The following TRNT1 variants were observed in gnomAD, a reference collection of about 807,000 sequenced individuals.
TRNT1 encodes the protein tRNA nucleotidyl transferase 1.
Under a neutral mutation model 45.6 loss-of-function variants are expected in TRNT1, and 44 were observed. The ratio of observed to expected loss-of-function variants is 0.97; its 90% CI spans 0.76 to 1.24. TRNT1 has a LOEUF of 1.24. Among genes scored for constraint, TRNT1 ranks in the 50% most tolerant of loss-of-function variants. The pLI is 0.00. For missense variants in TRNT1, 633 were observed against 504.4 expected (o/e 1.25, Z -2.44); for synonymous variants, 201 against 171.4 (o/e 1.17, Z -1.35).
chr3:3,143,043 C>A (rs1705754918), intron 4 of TRNT1, among the ~76,000 whole-genome samples: 1 of 152,188 alleles, frequency 6.6e-6, no homozygotes, highest in South Asian at 2.1e-4. Context: ...CATTCAAGTT[C>A]AAACACAGCC....
chr3:3,130,312 A>T, intron 2 of TRNT1: 1 of 222,390 alleles, frequency 4.5e-6, no homozygotes, highest in Admixed American at 5.1e-5. Context: ...TTTTAATAAA[A>T]GCTCCACAAG....
chr3:3,137,374 A>G lies in TRNT1; in HGVS notation c.263A>G (p.Gln88Arg). 1 of 1,613,980 alleles carries G rather than the reference A, an allele frequency of 6.2e-7. No homozygotes were observed. Among genetic ancestry groups the G allele is most frequent in the African/African-American group, 1.3e-5 (1 of 75,044 alleles). Residue 88 changes from glutamine (Q) to arginine (R), a missense_variant, in exon 3 of 8, where the codon CAA (glutamine) becomes CGA (arginine). Physicochemically the swap from Gln to Arg is conservative, Grantham distance 43 (BLOSUM62 1). Coordinates refer to ENST00000251607, the MANE Select transcript of TRNT1 (RefSeq NM_182916.3). The stretch of plus-strand genomic sequence containing the variant: ...TTTGCCACCACTGCTACCCCTACTC[A>G]AATGAAGGAGATGTTTCAGTCGGCT... ...IDFATTATPTQMKEMFQSAGI... is the reference protein window; with the variant it reads ...IDFATTATPTRMKEMFQSAGI...
intron 2 of TRNT1, chr3:3,131,416 G>C (rs1559215304): frequency 6.6e-6 from 1 of 152,168 alleles, no homozygotes. Context: ...GATTACTATA[G>C]TTTCTTGAAC....
At position 3,129,025 on chromosome 3, in the gene TRNT1, G is replaced by C; in HGVS notation, c.-16G>C. 1 of 1,585,848 alleles carries C rather than the reference G, an allele frequency of 6.3e-7. No homozygotes were observed. The highest frequency in any genetic ancestry group is 1.7e-5 in the Admixed American group (1 of 57,330). Reference sequence around the variant, plus strand: ...TATTTGCCTTGTAGATGTGTAGTTGGTGACTGCCTCTCCAGATGCTGAGGT... The same window carrying C: ...TATTTGCCTTGTAGATGTGTAGTTGCTGACTGCCTCTCCAGATGCTGAGGT... On this transcript the variant is annotated 5_prime_UTR_variant, in exon 2 of 8. Coordinates refer to ENST00000251607, the MANE Select transcript of TRNT1 (RefSeq NM_182916.3).
intron 2 of TRNT1, among the ~76,000 whole-genome samples, chr3:3,132,731 G>GAAAAAAAAAAAAAAAAA (rs369384116): frequency 1.1e-5 from 1 of 88,962 alleles, no homozygotes; most frequent in Non-Finnish European, 2.4e-5. Context: ...CCTATTGAAG[G>GAAAAAAAAAAAAAAAAA]AAAAAAAAAA....
downstream of TRNT1, chr3:3,153,080 TG>T (rs544523460): frequency 2.4e-3 from 751 of 311,844 alleles, 2 homozygotes; most frequent in Non-Finnish European, 3.8e-3. Context: ...TGGCCCTATA[TG>T]GCAAAACTGA....
At chr3:3,145,363 C>T (rs1248886611) in intron 5 of TRNT1, 2 of 152,126 alleles carry the variant, frequency 1.3e-5, no homozygotes, top group African/African-American at 4.8e-5. Context: ...ATTAGCCAGG[C>T]ATGGCGGTGT....
Position 3,147,964 on chromosome 3 carries a change from A to G in TRNT1, c.1115A>G (p.His372Arg), listed in dbSNP as rs751779288. The G allele has an allele frequency of 1.1e-5, 18 of 1,613,786 alleles. No homozygotes were observed. The highest frequency in any genetic ancestry group is 1.3e-5 in the African/African-American group (1 of 74,928). The change falls in exon 8 of 8, where the codon CAC (histidine) becomes CGC (arginine). Residue 372 changes from histidine (H) to arginine (R), a missense_variant. By Grantham distance (29) the His-to-Arg change is conservative. Transcript: ENST00000251607. ...VCELLKYQGE[H>R]CLLKEMQQWS... ...GAACTACTGAAGTACCAAGGAGAGC[A>G]CTGTCTCCTAAAGGAAATGCAGCAG...
At chr3:3,138,131 C>T (rs1382866350) in intron 3 of TRNT1, among the ~76,000 whole-genome samples, 1 of 152,182 alleles carries the variant, frequency 6.6e-6, no homozygotes, top group Non-Finnish European at 1.5e-5. Flanking sequence ...TCCTTGGCCT[C>T]TCTTTTTTGT....
In TRNT1 at chr3:3,147,723, G is replaced by A; in HGVS notation, c.1056+20G>A. The A allele has an allele frequency of 1.3e-6, 2 of 1,577,968 alleles. No homozygotes were observed. The highest frequency in any genetic ancestry group is 1.7e-6 in the Non-Finnish European group (2 of 1,164,602). ...ATAGATGTAAGTATATACTAGGCTT[G>A]GTCAGAAATATGAAGTATCGTCACG... is the stretch of plus-strand genomic sequence containing the variant. On this transcript the variant is annotated intron_variant, in intron 7 of 7. Coordinates refer to ENST00000251607, the MANE Select transcript of TRNT1 (RefSeq NM_182916.3).
At chr3:3,149,261 A>ATACTT (rs1000961434), downstream of TRNT1, 11 of 152,258 alleles carry the variant, frequency 7.2e-5, no homozygotes, top group African/African-American at 1.7e-4. Flanking sequence ...TTATAAAATA[A>ATACTT]TACTTTGAAA....
chr3:3,136,947 G>A (rs1705366018), intron 2 of TRNT1: 1 of 288,330 alleles, frequency 3.5e-6, no homozygotes, highest in Admixed American at 4.9e-5. Context: ...CACTGCGCCT[G>A]ACCTGCTTTA....
chr3:3,137,517 C>G (rs969993279), intron 3 of TRNT1, 64 bp downstream of exon 3: 17 of 1,404,486 alleles, frequency 1.2e-5, no homozygotes, highest in Non-Finnish European at 1.6e-5. Context: ...ACTTAATTTT[C>G]TCTAGTTAAA....
rs74803046 is a variant in TRNT1, at chr3:3,129,587, A to C, written c.148+399A>C. ...ACAGAGTGAGACCCTGTCTCAAAAA[A>C]AGAGAAAGGAATATTAAAAGAGAAA... On this transcript the variant is annotated intron_variant, in intron 2 of 7. Transcript: ENST00000251607. 3,767 of 462,922 alleles carry C rather than the reference A, an allele frequency of 8.1e-3. 100 individuals are homozygous for C. The highest frequency in any genetic ancestry group is 0.065 in the African/African-American group (3,320 of 50,880). 28.7% of individuals were successfully genotyped at this position (462,922 alleles called of 1,614,324 possible).
rs369862779 is a variant in TRNT1 at position 3,137,467 on chromosome 3, T to G, written c.342+14T>G. 1.9e-6 allele frequency: 3 copies of G among 1,584,656 alleles called. No individual in the cohort carries two copies. The African/African-American group carries it at 4.1e-5, about 22-fold the overall frequency. ...ATTACTGCCAGGGTGAGTCAAAAGT[T>G]TGACAGGTAATTACATTGCTTTTTT... On this transcript the variant is annotated intron_variant, in intron 3 of 7. Transcript: ENST00000251607.
chr3:3,148,661 A>C lies in TRNT1; in HGVS notation c.*507A>C, dbSNP rs1017494146. ...AAATGTGAATACTAAATGTGTCCCC[A>C]GTTGCTGGCATTCATATGTACAGGA... On this transcript the variant is annotated 3_prime_UTR_variant, in exon 8 of 8. Transcript: ENST00000251607. 6.5e-6 allele frequency: 1 copy of C among 152,690 alleles called. No individual in the cohort carries two copies. The highest frequency in any genetic ancestry group is 2.4e-5 in the African/African-American group (1 of 41,446). The allele number at this position is 152,690 out of a possible 1,614,324, so 9.5% of individuals were successfully genotyped here.
At chr3:3,133,422 A>G (rs62228606) in intron 2 of TRNT1, among the ~76,000 whole-genome samples, 10,264 of 152,024 alleles carry the variant, frequency 0.068, 659 homozygotes, top group African/African-American at 0.17. Flanking sequence ...AGCCAGTTAC[A>G]GTGATGCACA....
chr3:3,143,957 GC>G (rs1343509701), intron 4 of TRNT1, among the ~76,000 whole-genome samples: 1 of 151,928 alleles, frequency 6.6e-6, no homozygotes, highest in Non-Finnish European at 1.5e-5. Context: ...TATTTACGTG[GC>G]CTTTTTATTA....
intron 2 of TRNT1, among the ~76,000 whole-genome samples, chr3:3,133,102 A>G (rs1022526809): frequency 1.3e-5 from 2 of 152,176 alleles, no homozygotes; most frequent in African/African-American, 4.8e-5. Context: ...TTCAAATCTT[A>G]ATAGCTGCTT....
Sources: gnomAD v4.1 joint callset for allele counts (sites outside exome capture counted in the v4.1 genomes callset) on GRCh38, gnomAD v4.1.1 for gene constraint, MANE v1.5 for transcripts, NCBI Gene and HGNC (gene_info 2026-07-23, HGNC 2026-07-21) for gene names.